The following RNASE4 variants were observed in gnomAD, a reference collection of about 807,000 sequenced individuals.
RNASE4 encodes the protein ribonuclease 4.
For missense variants in RNASE4, 194 were observed against 192.8 expected (o/e 1.01, Z -0.04); for synonymous variants, 93 against 71.4 (o/e 1.30, Z -1.52).
chr14:20,699,896 T>C lies in RNASE4; in HGVS notation c.*81T>C, dbSNP rs3094. On this transcript the variant is annotated 3_prime_UTR_variant, in exon 2 of 2. Transcript: ENST00000555835. ...AGCAGTGAGTAATGCATTTGAGCTG[T>C]CCCAGGCTCTGTCTCCTCAGCTCAT... 282,203 of 1,224,690 alleles carry C rather than the reference T, an allele frequency of 0.23. 35,962 individuals carry two copies. The highest frequency in any genetic ancestry group is 0.49 in the East Asian group (20,900 of 42,724). 75.9% of individuals were successfully genotyped at this position (1,224,690 alleles called of 1,614,324 possible).
chr14:20,685,685 G>A (rs1331002559), intron 1 of RNASE4, among the ~76,000 whole-genome samples: 1 of 152,166 alleles, frequency 6.6e-6, no homozygotes, highest in African/African-American at 2.4e-5. Context: ...CCTTCGAACA[G>A]CAACTTTCAG....
At position 20,699,840 on chromosome 14, in the gene RNASE4, G is replaced by A. The variant is rs370954171; in HGVS notation, c.*25G>A. 1.9e-5 allele frequency: 31 copies of A among 1,602,000 alleles called. No individual in the cohort carries two copies. Among genetic ancestry groups the A allele is most frequent in the Admixed American group, 3.3e-5 (2 of 59,864 alleles). On this transcript the variant is annotated 3_prime_UTR_variant, in exon 2 of 2. Coordinates refer to ENST00000555835, the MANE Select transcript of RNASE4 (RefSeq NM_002937.5). ...GATGCCACCATGTAGGGATTATCGC[G>A]AGTGGTTGACCTTACACTTACTCCT...
chr14:20,685,886 A>G (rs138375023), intron 1 of RNASE4, among the ~76,000 whole-genome samples: 5,447 of 152,028 alleles, frequency 0.036, 131 homozygotes, highest in Middle Eastern at 0.099. Context: ...CTAAAAATAC[A>G]AAAATTAGCC....
chr14:20,688,562 T>G (rs187029295), intron 1 of RNASE4: 19 of 446,734 alleles, frequency 4.3e-5, no homozygotes, highest in Middle Eastern at 1.1e-3. Flanking sequence ...AAGGGCAACT[T>G]TTGGACAGAA....
intron 1 of RNASE4, among the ~76,000 whole-genome samples, chr14:20,689,682 C>A (rs1473509938): frequency 6.6e-6 from 1 of 152,104 alleles, no homozygotes; most frequent in East Asian, 1.9e-4. Flanking sequence ...TTTGGGAAGC[C>A]GAGGTAGCCG....
At chr14:20,697,277 G>A (rs1453620058) in intron 1 of RNASE4, among the ~76,000 whole-genome samples, 4 of 152,162 alleles carry the variant, frequency 2.6e-5, no homozygotes, top group Admixed American at 1.3e-4. Context: ...AACTCGAGGT[G>A]CCACCGGAAG....
chr14:20,695,766 C>T (rs1486979978), intron 1 of RNASE4, among the ~76,000 whole-genome samples: 1 of 152,208 alleles, frequency 6.6e-6, no homozygotes, highest in African/African-American at 2.4e-5. Flanking sequence ...GTCCAGGTAC[C>T]ACCTAGGAGA....
chr14:20,692,480 C>T (rs1264732590), intron 1 of RNASE4, among the ~76,000 whole-genome samples: 2 of 152,252 alleles, frequency 1.3e-5, no homozygotes, highest in Non-Finnish European at 2.9e-5. Context: ...CGGTCTGTGG[C>T]CTGTCCGCCT....
intron 1 of RNASE4, among the ~76,000 whole-genome samples, chr14:20,696,320 G>C (rs573771161): frequency 1.2e-4 from 18 of 152,260 alleles, no homozygotes; most frequent in African/African-American, 4.3e-4. Context: ...AGCATTCCTA[G>C]TCCTTTTTGG....
At position 20,689,535 on chromosome 14, in the gene RNASE4, A is replaced by G. The variant is rs551172310; in HGVS notation, c.-18+4777A>G. ...GTGTAAAATTTGATGAATCTTTTGA[A>G]TACTGAACATTGCCTGTGGGGAGAG... is the stretch of plus-strand genomic sequence containing the variant. On this transcript the variant is annotated intron_variant, in intron 1 of 1. Coordinates refer to ENST00000555835, the MANE Select transcript of RNASE4 (RefSeq NM_002937.5). Among the ~76,000 whole-genome samples, 37 of 152,286 alleles carry G rather than the reference A, an allele frequency of 2.4e-4. 2 individuals are homozygous for G. Among genetic ancestry groups the G allele is most frequent in the Non-Finnish European group, 4.7e-4 (32 of 68,028 alleles).
rs1566603018 is a variant in RNASE4, at chr14:20,694,264, C to CATAGGATAGAA, written c.-17-5088_-17-5078dup. On this transcript the variant is annotated intron_variant, in intron 1 of 1. Coordinates refer to ENST00000555835, the MANE Select transcript of RNASE4 (RefSeq NM_002937.5). The stretch of plus-strand genomic sequence containing the variant: ...ACTTGGCTGCTCCCTGAGAGGACTG[C>CATAGGATAGAA]ATAGGATAGAAATGCCTTTTTCTTT... 7.6e-6 allele frequency: 4 copies of CATAGGATAGAA among 527,436 alleles called. No individual in the cohort carries two copies. The African/African-American group carries it at 7.8e-5, about 10-fold the overall frequency. 32.7% of individuals were successfully genotyped at this position (527,436 alleles called of 1,614,324 possible).
intron 1 of RNASE4, chr14:20,688,677 C>A: frequency 1.0e-6 from 1 of 984,980 alleles, no homozygotes; most frequent in Non-Finnish European, 1.2e-6. Flanking sequence ...TGACCCTCCT[C>A]GTTTGTTCAA....
At chr14:20,693,838 A>T in intron 1 of RNASE4, 1 of 1,614,224 alleles carries the variant, frequency 6.2e-7, no homozygotes, top group Non-Finnish European at 8.5e-7. Context: ...TCACAGAGAA[A>T]ACCTAAGAAT....
At position 20,692,994 on chromosome 14, in the gene RNASE4, C is replaced by A. The variant is rs556366661; in HGVS notation, c.-17-6361C>A. On this transcript the variant is annotated intron_variant, in intron 1 of 1. Coordinates refer to ENST00000555835, the MANE Select transcript of RNASE4 (RefSeq NM_002937.5). ...TCCCGAGTAGCTGGGACTACAGGCG[C>A]CCGCCACTACGCCCGGCTAATTTTT... Among the ~76,000 whole-genome samples, 14 of 151,890 alleles carry A rather than the reference C, an allele frequency of 9.2e-5. No homozygotes were observed. The South Asian group carries it at 2.9e-3, about 32-fold the overall frequency.
At chr14:20,686,466 C>A (rs1358961314) in intron 1 of RNASE4, among the ~76,000 whole-genome samples, 1 of 152,130 alleles carries the variant, frequency 6.6e-6, no homozygotes, top group Non-Finnish European at 1.5e-5. Context: ...TCAGTGAAAC[C>A]TTTCTTTAGG....
At chr14:20,686,062 G>A (rs1166827870) in intron 1 of RNASE4, among the ~76,000 whole-genome samples, 2 of 147,872 alleles carry the variant, frequency 1.4e-5, no homozygotes, top group African/African-American at 5.1e-5. Flanking sequence ...AAAAAAAATT[G>A]TGTGGTGCAT....
chr14:20,692,050 C>T (rs966956548), intron 1 of RNASE4, among the ~76,000 whole-genome samples: 2 of 152,038 alleles, frequency 1.3e-5, no homozygotes, highest in East Asian at 1.9e-4. Context: ...CTATTTGATA[C>T]GAAAATGTTC....
intron 1 of RNASE4, among the ~76,000 whole-genome samples, chr14:20,691,190 A>C (rs1210229646): frequency 6.6e-6 from 1 of 152,182 alleles, no homozygotes; most frequent in Non-Finnish European, 1.5e-5. Flanking sequence ...AGACATTAGT[A>C]ACATTCCTAT....
chr14:20,684,863 G>A (rs1886348554), intron 1 of RNASE4, 105 bp downstream of exon 1: 1 of 152,332 alleles, frequency 6.6e-6, no homozygotes, highest in Admixed American at 6.5e-5. Flanking sequence ...ACTCCTTGGG[G>A]AGGAGTTTGC....
Sources: allele counts gnomAD v4.1 joint callset (sites outside exome capture counted in the v4.1 genomes callset), GRCh38; gene constraint gnomAD v4.1.1; transcripts MANE v1.5; gene names NCBI Gene and HGNC (gene_info 2026-07-23, HGNC 2026-07-21).